Variants in MMUT observed in about 807,000 individuals in gnomAD.
The protein encoded by MMUT is methylmalonyl-CoA mutase.
MMUT carries 79 observed loss-of-function variants against 79.9 expected under a neutral mutation model. The observed-to-expected ratio is 0.99, with a 90% CI of 0.82 to 1.19. The LOEUF (loss-of-function observed/expected upper bound fraction) is 1.19. Ranked by LOEUF, MMUT falls within the 50% of genes most tolerant of loss-of-function variation. The pLI is 0.00. For missense variants in MMUT, 860 were observed against 917.2 expected, an observed-to-expected ratio of 0.94 and a Z score of 0.81; for synonymous variants, 273 against 295.7, an observed-to-expected ratio of 0.92 and a Z score of 0.79.
In MMUT at chr6:49,457,170, T is replaced by G. The variant is rs1455367000; in HGVS notation, c.753+521A>C. On this transcript the variant is annotated intron_variant, in intron 3 of 12. Transcript: ENST00000274813. Reference sequence around the variant, plus strand: ...AAAGAGTGAATAATGGGGGGAAATATAAACAAATTGCTCACAGGAAAATGA... The same window carrying G: ...AAAGAGTGAATAATGGGGGGAAATAGAAACAAATTGCTCACAGGAAAATGA... Among the ~76,000 whole-genome samples the G allele has an allele frequency of 4.6e-5, 7 of 152,250 alleles. No homozygotes were observed. In the East Asian group the frequency reaches 1.4e-3, roughly 29 times the overall value.
At position 49,447,775 on chromosome 6, in the gene MMUT, T is replaced by G. The variant is rs1803946; in HGVS notation, c.1455A>C (p.Val485=). 6.2e-7 allele frequency: 1 copy of G among 1,600,346 alleles called. No homozygotes were observed. The highest frequency in any genetic ancestry group is 1.1e-5 in the South Asian group (1 of 90,770). ...RQARIDSGSE[V]IVGVNKYQLE... ...ACTGGTACTTATTTACTCCAACAAT[T>G]ACTTCAGAACCTGGTAATTTCCCAA... Residue 485 remains valine, a synonymous_variant, in exon 8 of 13, where the codon GTA becomes GTC. Coordinates refer to ENST00000274813, the MANE Select transcript of MMUT (RefSeq NM_000255.4).
In MMUT at chr6:49,453,678, A is replaced by G. The variant is rs2127418667; in HGVS notation, c.990T>C (p.Ala330=). The G allele has an allele frequency of 6.2e-7, 1 of 1,613,174 alleles. No individual in the cohort carries two copies. The highest frequency in any genetic ancestry group is 8.5e-7 in the Non-Finnish European group (1 of 1,179,392). Residue 330 remains alanine, a synonymous_variant, in exon 5 of 13, where the codon GCT becomes GCC. Transcript: ENST00000274813. ...GCTGAAACATTTTCTCTATTAAGTG[A>G]GCCCAGAGTCTTCTACCAGCTCTCA... ...AKMRAGRRLW[A]HLIEKMFQPK... is the part of the protein sequence containing the mutation.
At chr6:49,433,002 T>C (rs1457625142) in intron 12 of MMUT, among the ~76,000 whole-genome samples, 11 of 152,210 alleles carry the variant, frequency 7.2e-5, no homozygotes, top group Non-Finnish European at 1.5e-4. Context: ...AATATTCTTA[T>C]AATACTATAA....
intron 11 of MMUT, among the ~76,000 whole-genome samples, chr6:49,437,946 G>T (rs978519873): frequency 6.6e-6 from 1 of 151,746 alleles, no homozygotes; most frequent in African/African-American, 2.4e-5. Flanking sequence ...CCATATTTTA[G>T]TTATAGTAAT....
intron 11 of MMUT, among the ~76,000 whole-genome samples, chr6:49,438,048 T>C (rs1767178349): frequency 6.6e-6 from 1 of 152,142 alleles, no homozygotes; most frequent in Non-Finnish European, 1.5e-5. Context: ...ATTTACATAG[T>C]AAATTTCATA....
At chr6:49,444,208 C>T (rs913188704) in intron 9 of MMUT, among the ~76,000 whole-genome samples, 2 of 152,012 alleles carry the variant, frequency 1.3e-5, no homozygotes, top group African/African-American at 4.8e-5. Context: ...CTTCCGGTTG[C>T]TTCATGGTTA....
chr6:49,434,238 GAATAT>G (rs1172584272), intron 12 of MMUT, among the ~76,000 whole-genome samples: 3 of 152,196 alleles, frequency 2.0e-5, no homozygotes, highest in African/African-American at 7.2e-5. Context: ...CCTATTTTAT[GAATAT>G]AATAGGCAAG....
At chr6:49,459,960 T>C (rs1163861085) in intron 1 of MMUT, among the ~76,000 whole-genome samples, 1 of 152,214 alleles carries the variant, frequency 6.6e-6, no homozygotes, top group Non-Finnish European at 1.5e-5. Flanking sequence ...AAGTGATGAA[T>C]AAGACAAACA....
intron 4 of MMUT, among the ~76,000 whole-genome samples, chr6:49,454,217 CT>C (rs1767631205): frequency 6.6e-6 from 1 of 152,186 alleles, no homozygotes; most frequent in South Asian, 2.1e-4. Flanking sequence ...TCACCTCTCC[CT>C]TTTATCTTAT....
chr6:49,440,990 C>T (rs1296885090), intron 10 of MMUT, among the ~76,000 whole-genome samples: 1 of 152,188 alleles, frequency 6.6e-6, no homozygotes, highest in Non-Finnish European at 1.5e-5. Context: ...CTATATAAAT[C>T]AAAATGCTTG....
chr6:49,451,247 T>C (rs1767543020), intron 6 of MMUT, among the ~76,000 whole-genome samples: 2 of 152,194 alleles, frequency 1.3e-5, no homozygotes, highest in African/African-American at 4.8e-5. Flanking sequence ...TTTAATAAAA[T>C]ACTTTAATAG....
intron 7 of MMUT, 88 bp from the exon 8 acceptor site, chr6:49,447,873 A>T (rs930646587): frequency 1.3e-6 from 1 of 777,916 alleles, no homozygotes; most frequent in Non-Finnish European, 2.2e-6. Flanking sequence ...TATAAATTTA[A>T]TATCTTTAAG....
chr6:49,435,108 C>T (rs974288615), intron 12 of MMUT, among the ~76,000 whole-genome samples: 1 of 152,108 alleles, frequency 6.6e-6, no homozygotes, highest in African/African-American at 2.4e-5. Flanking sequence ...TATTTACTAC[C>T]ACTGTTCTCT....
chr6:49,440,488 GTT>G, intron 10 of MMUT, 135 bp from the exon 11 acceptor site: 2 of 850,154 alleles, frequency 2.4e-6, no homozygotes, highest in East Asian at 6.1e-5. Flanking sequence ...ATTTTGGGTT[GTT>G]TTTTTTTTCC....
rs758674900 is a variant in MMUT, at chr6:49,440,218, G to T, written c.1944C>A (p.Gly648=). ...CAGTTTTTAGTACCTGGAAAAGAGGGCCTATGTCCACATCAAAACCAAGAT... is the reference window on the plus strand; with the variant it reads ...CAGTTTTTAGTACCTGGAAAAGAGGTCCTATGTCCACATCAAAACCAAGAT... ...FADLGFDVDI[G]PLFQTPREVA... Residue 648 remains glycine, a synonymous_variant, in exon 11 of 13, where the codon GGC becomes GGA. Transcript: ENST00000274813. 4 of 1,613,962 alleles carry T rather than the reference G, an allele frequency of 2.5e-6. No individual in the cohort carries two copies. Among genetic ancestry groups the T allele is most frequent in the South Asian group, 1.1e-5 (1 of 91,076 alleles).
chr6:49,448,553 C>CA (rs2127417051), intron 7 of MMUT, among the ~76,000 whole-genome samples: 1 of 152,132 alleles, frequency 6.6e-6, no homozygotes, highest in African/African-American at 2.4e-5. Flanking sequence ...GTGTCATCTT[C>CA]AAAATGTTAA....
chr6:49,432,046 C>A (rs534255888), intron 12 of MMUT, among the ~76,000 whole-genome samples, 190 bp from the exon 13 acceptor site: 88 of 152,202 alleles, frequency 5.8e-4, no homozygotes, highest in Middle Eastern at 3.4e-3. Context: ...AGCCTCCCAG[C>A]CCAAGTTATT....
At chr6:49,433,526 G>T (rs534665324) in intron 12 of MMUT, among the ~76,000 whole-genome samples, 1 of 152,228 alleles carries the variant, frequency 6.6e-6, no homozygotes, top group East Asian at 1.9e-4. Context: ...CCACTTAGCT[G>T]GGCCAGGGAT....
chr6:49,453,565 A>T lies in MMUT; in HGVS notation c.1083+20T>A, dbSNP rs200148994. The T allele has an allele frequency of 2.7e-6, 4 of 1,465,124 alleles. No individual in the cohort carries two copies. The highest frequency in any genetic ancestry group is 3.7e-6 in the Non-Finnish European group (4 of 1,076,184). The allele number at this position is 1,465,124 out of a possible 1,614,324, so 90.8% of individuals were successfully genotyped here. On this transcript the variant is annotated intron_variant, in intron 5 of 12. Transcript: ENST00000274813. ...ATATATAACTTTATTAAAATTCTAC[A>T]TTTTAAATTATATACATACCTGCTC... is the stretch of plus-strand genomic sequence containing the variant.
Sources: allele counts gnomAD v4.1 joint callset (sites outside exome capture counted in the v4.1 genomes callset), GRCh38; gene constraint gnomAD v4.1.1; transcripts MANE v1.5; gene names NCBI Gene and HGNC (gene_info 2026-07-23, HGNC 2026-07-21).